The following LAPTM4B variants were observed in gnomAD, a reference collection of about 807,000 sequenced individuals.
LAPTM4B encodes lysosomal protein transmembrane 4 beta.
A neutral mutation model predicts 28.5 loss-of-function variants in LAPTM4B; 26 were observed. That is an observed-to-expected ratio of 0.91 (90% CI 0.67 to 1.27). The LOEUF (loss-of-function observed/expected upper bound fraction) is 1.27, where lower values mean the gene tolerates loss of function less well. LAPTM4B is among the 50% of genes most tolerant of loss of function. The probability of loss-of-function intolerance (pLI) is 0.00; values close to 1 mark genes in which losing one functional copy is unlikely to be tolerated. For synonymous variants in LAPTM4B, 109 were observed against 106.4 expected, an observed-to-expected ratio of 1.02 and a Z score of -0.15; for missense variants, 288 against 285.8, an observed-to-expected ratio of 1.01 and a Z score of -0.06.
rs750860947 is a variant in LAPTM4B, at chr8:97,776,037, T to G, written c.28T>G (p.Phe10Val). 11 of 1,586,000 alleles carry G rather than the reference T, an allele frequency of 6.9e-6. No homozygotes were observed. In the African/African-American group the frequency reaches 1.4e-4, roughly 20 times the overall value. The change falls in exon 1 of 7, where the codon TTC (phenylalanine) becomes GTC (valine). Residue 10 changes from phenylalanine (F) to valine (V), a missense_variant. Physicochemically the swap from Phe to Val is conservative, Grantham distance 50. Transcript: ENST00000521545. MKMVAPWTR[F>V]YSNSCCLCCH... Reference sequence around the variant, plus strand: ...GAAGATGGTCGCGCCCTGGACGCGGTTCTACTCCAACAGCTGCTGCTTGTG... The same window carrying G: ...GAAGATGGTCGCGCCCTGGACGCGGGTCTACTCCAACAGCTGCTGCTTGTG...
At chr8:97,802,712 C>G (rs945722876) in intron 1 of LAPTM4B, among the ~76,000 whole-genome samples, 2 of 152,110 alleles carry the variant, frequency 1.3e-5, no homozygotes, top group African/African-American at 4.8e-5. Context: ...GTTCAGATGC[C>G]TTTGACGGAG....
At chr8:97,819,485 A>G (rs1816970416) in intron 5 of LAPTM4B, among the ~76,000 whole-genome samples, 1 of 152,190 alleles carries the variant, frequency 6.6e-6, no homozygotes, top group Non-Finnish European at 1.5e-5. Context: ...TATACATTAC[A>G]TAGTATATGA....
chr8:97,799,536 T>A (rs1449052082), intron 1 of LAPTM4B, among the ~76,000 whole-genome samples: 2 of 152,198 alleles, frequency 1.3e-5, no homozygotes, highest in African/African-American at 4.8e-5. Flanking sequence ...GCACGGTGAC[T>A]GCATTTTGGT....
At chr8:97,786,598 C>T (rs1396294761) in intron 1 of LAPTM4B, among the ~76,000 whole-genome samples, 2 of 151,566 alleles carry the variant, frequency 1.3e-5, no homozygotes, top group African/African-American at 4.9e-5. Context: ...ACTCCAGAGG[C>T]TGAGCCCGGA....
At chr8:97,803,114 G>A (rs1020857724) in intron 1 of LAPTM4B, among the ~76,000 whole-genome samples, 1 of 151,498 alleles carries the variant, frequency 6.6e-6, no homozygotes, top group Admixed American at 6.6e-5. Flanking sequence ...CAGGAGAATC[G>A]CTTGAACCTG....
Position 97,829,339 on chromosome 8 carries a change from C to T in LAPTM4B, c.603+4186C>T, listed in dbSNP as rs142057796. ...GGTAGCCAAAGATCGAGCAAGTGAG[C>T]GGTAAGCGTCTTTCTAGACAAAAGT... is the stretch of plus-strand genomic sequence containing the variant. On this transcript the variant is annotated intron_variant, in intron 6 of 6. Coordinates refer to ENST00000521545, the MANE Select transcript of LAPTM4B (RefSeq NM_018407.6). 7.2e-3 allele frequency among the ~76,000 whole-genome samples: 1,093 copies of T among 152,174 alleles called. 11 individuals carry two copies. The highest frequency in any genetic ancestry group is 0.024 in the African/African-American group (1,003 of 41,520).
In LAPTM4B at chr8:97,841,483, A is replaced by G. The variant is rs1478711165; in HGVS notation, c.604-9914A>G. On this transcript the variant is annotated intron_variant, in intron 6 of 6. Transcript: ENST00000521545. ...GCTGGGATTACAGGCGCCTGCCATC[A>G]CGCCCAGCTAATTTTTGTAGTTTTA... Among the ~76,000 whole-genome samples the G allele has an allele frequency of 2.6e-5, 4 of 152,022 alleles. No individual in the cohort carries two copies. The East Asian group carries it at 7.7e-4, about 29-fold the overall frequency.
chr8:97,839,233 T>G (rs1817309003), intron 6 of LAPTM4B, among the ~76,000 whole-genome samples: 1 of 152,212 alleles, frequency 6.6e-6, no homozygotes, highest in African/African-American at 2.4e-5. Flanking sequence ...TTACTCTTGT[T>G]GCCCAGGCTG....
At chr8:97,831,230 G>A (rs902352537) in intron 6 of LAPTM4B, among the ~76,000 whole-genome samples, 3 of 152,166 alleles carry the variant, frequency 2.0e-5, no homozygotes, top group Non-Finnish European at 4.4e-5. Flanking sequence ...ATTGTACGGA[G>A]GTAGGAAGAC....
Position 97,815,309 on chromosome 8 carries a change from C to G in LAPTM4B, c.212-19C>G, listed in dbSNP as rs1430266279. On this transcript the variant is annotated intron_variant, in intron 2 of 6. Transcript: ENST00000521545. ...ACTGATTGTCTTTTTTAAAGAAATT[C>G]TTTTTAATCTTTCGGCAGACATGTG... is the stretch of plus-strand genomic sequence containing the variant. 1 of 1,597,168 alleles carries G rather than the reference C, an allele frequency of 6.3e-7. No individual in the cohort carries two copies. Among genetic ancestry groups the G allele is most frequent in the Admixed American group, 1.7e-5 (1 of 59,548 alleles).
intron 6 of LAPTM4B, among the ~76,000 whole-genome samples, chr8:97,844,998 C>A (rs1476986552): frequency 2.0e-5 from 3 of 152,302 alleles, no homozygotes; most frequent in Admixed American, 1.3e-4. Flanking sequence ...CTCCCTCCCC[C>A]ATCCTCCACT....
chr8:97,788,835 C>T (rs941497489), intron 1 of LAPTM4B, among the ~76,000 whole-genome samples: 5 of 151,460 alleles, frequency 3.3e-5, no homozygotes, highest in South Asian at 2.1e-4. Flanking sequence ...GCTGAGACTA[C>T]GGGTGTCTGT....
intron 2 of LAPTM4B, among the ~76,000 whole-genome samples, chr8:97,807,478 G>T (rs1816771962): frequency 6.6e-6 from 1 of 152,180 alleles, no homozygotes; most frequent in Non-Finnish European, 1.5e-5. Flanking sequence ...TTAGAATGGG[G>T]CCTGGCCCAT....
chr8:97,849,789 G>A (rs187420786), intron 6 of LAPTM4B, among the ~76,000 whole-genome samples: 3 of 151,826 alleles, frequency 2.0e-5, no homozygotes, highest in South Asian at 4.2e-4. Context: ...GAGGAAAGCC[G>A]CCACCCCCCC....
In LAPTM4B at chr8:97,834,395, C is replaced by T. The variant is rs184197754; in HGVS notation, c.603+9242C>T. On this transcript the variant is annotated intron_variant, in intron 6 of 6. Coordinates refer to ENST00000521545, the MANE Select transcript of LAPTM4B (RefSeq NM_018407.6). ...TACGCCTAAATAAAATTTGTTACTC[C>T]GTACCTGTTTTCAGTCTTTCAAAGA... Among the ~76,000 whole-genome samples the T allele has an allele frequency of 2.9e-4, 44 of 152,176 alleles. 1 individual carries two copies. In the Middle Eastern group the frequency reaches 0.014, roughly 47 times the overall value.
At chr8:97,846,678 GTTATTTA>G (rs1367927195) in intron 6 of LAPTM4B, among the ~76,000 whole-genome samples, 2 of 152,124 alleles carry the variant, frequency 1.3e-5, no homozygotes, top group East Asian at 3.9e-4. Context: ...TGAGCATTTT[GTTATTTA>G]TTATTATTTG....
chr8:97,782,635 A>G (rs1247213010), intron 1 of LAPTM4B, among the ~76,000 whole-genome samples: 1 of 146,892 alleles, frequency 6.8e-6, no homozygotes, highest in Non-Finnish European at 1.5e-5. Flanking sequence ...ACGGGGTTTC[A>G]CCATGTTGGT....
chr8:97,795,312 A>G (rs1013043172), intron 1 of LAPTM4B, among the ~76,000 whole-genome samples: 2 of 150,300 alleles, frequency 1.3e-5, no homozygotes, highest in African/African-American at 4.9e-5. Context: ...CTAGTCTTGA[A>G]CTCCTGGTCT....
At chr8:97,789,712 G>A (rs1444057472) in intron 1 of LAPTM4B, among the ~76,000 whole-genome samples, 1 of 151,622 alleles carries the variant, frequency 6.6e-6, no homozygotes, top group Non-Finnish European at 1.5e-5. Flanking sequence ...GTAGAGATGG[G>A]ATTTCTCCAT....
Sources: allele counts gnomAD v4.1 joint callset (sites outside exome capture counted in the v4.1 genomes callset), GRCh38; gene constraint gnomAD v4.1.1; transcripts MANE v1.5; gene names NCBI Gene and HGNC (gene_info 2026-07-23, HGNC 2026-07-21).